Variants in MINDY4 observed in about 807,000 individuals in gnomAD.
MINDY4 encodes the protein MINDY lysine 48 deubiquitinase 4, also known as probable ubiquitin carboxyl-terminal hydrolase MINDY-4.
MINDY4 carries 68 observed loss-of-function variants against 87.0 expected under a neutral mutation model. That is an observed-to-expected ratio of 0.78 (90% confidence interval 0.64 to 0.96). The LOEUF is 0.96. Among genes scored for constraint, MINDY4 ranks in the 40% least tolerant of loss-of-function variants. The pLI is 0.00. For synonymous variants in MINDY4, 379 were observed against 363.2 expected (o/e 1.04, Z -0.50); for missense variants, 919 against 928.2 (o/e 0.99, Z 0.13).
chr7:30,796,511 T>A (rs1450906248), intron 5 of MINDY4, among the ~76,000 whole-genome samples: 1 of 152,208 alleles, frequency 6.6e-6, no homozygotes, highest in East Asian at 1.9e-4. Flanking sequence ...AGATTTTAAA[T>A]TAAGCATTTT....
intron 9 of MINDY4, among the ~76,000 whole-genome samples, chr7:30,850,064 G>T (rs924967941): frequency 6.6e-6 from 1 of 152,228 alleles, no homozygotes; most frequent in African/African-American, 2.4e-5. Flanking sequence ...CAGGGCCAGG[G>T]CAGGGTCCTG....
At chr7:30,871,586 A>G (rs1790106840) in intron 13 of MINDY4, among the ~76,000 whole-genome samples, 1 of 152,200 alleles carries the variant, frequency 6.6e-6, no homozygotes, top group Non-Finnish European at 1.5e-5. Flanking sequence ...GTCTTCAGCA[A>G]AGTAGGTTTT....
intron 16 of MINDY4, 142 bp from the exon 17 acceptor site, chr7:30,882,779 C>G: frequency 1.4e-6 from 1 of 702,574 alleles, no homozygotes. Flanking sequence ...GAATGGATGT[C>G]AGGGATGAGG....
chr7:30,876,238 T>A lies in MINDY4; in HGVS notation c.1971+582T>A, dbSNP rs186238606. Among the ~76,000 whole-genome samples, 36 of 152,226 alleles carry A rather than the reference T, an allele frequency of 2.4e-4. 1 individual carries two copies. The highest frequency in any genetic ancestry group is 8.7e-4 in the African/African-American group (36 of 41,516). ...TGCTTCTGTAGATGTATCACTCCAGTCTCTGCCTCCATCCATCATCACAGG... is the reference window on the plus strand; with the variant it reads ...TGCTTCTGTAGATGTATCACTCCAGACTCTGCCTCCATCCATCATCACAGG... On this transcript the variant is annotated intron_variant, in intron 15 of 17. Transcript: ENST00000265299.
intron 2 of MINDY4, chr7:30,780,251 G>A (rs1786966486): frequency 6.6e-6 from 1 of 152,204 alleles, no homozygotes; most frequent in Admixed American, 6.5e-5. Flanking sequence ...TGTATTCTAA[G>A]GCAGGAGAGT....
chr7:30,777,687 C>T (rs1208517870), intron 1 of MINDY4, among the ~76,000 whole-genome samples: 2 of 152,136 alleles, frequency 1.3e-5, no homozygotes, highest in African/African-American at 4.8e-5. Flanking sequence ...CAAGGAACAC[C>T]CCTAACACCA....
In MINDY4 at chr7:30,842,301, C is replaced by G. The variant is rs554620585; in HGVS notation, c.1445+1453C>G. ...CTTGTCTGTACAGGATCATGCCCCA[C>G]TGCCTGCTCTGGAAGTTCAGCCCCA... On this transcript the variant is annotated intron_variant, in intron 9 of 17. Coordinates refer to ENST00000265299, the MANE Select transcript of MINDY4 (RefSeq NM_032222.3). Among the ~76,000 whole-genome samples the G allele has an allele frequency of 3.9e-5, 6 of 152,336 alleles. 1 individual carries two copies. The South Asian group carries it at 1.2e-3, about 32-fold the overall frequency.
intron 1 of MINDY4, among the ~76,000 whole-genome samples, chr7:30,776,606 A>T (rs548640467): frequency 4.7e-4 from 72 of 152,308 alleles, no homozygotes; most frequent in African/African-American, 1.7e-3. Flanking sequence ...AACTGGACTT[A>T]CGGACTAGTG....
At position 30,882,164 on chromosome 7, in the gene MINDY4, G is replaced by A; in HGVS notation, c.1972-17G>A. 6.3e-7 allele frequency: 1 copy of A among 1,594,186 alleles called. No individual in the cohort carries two copies. ...CCCTGGGGACGGCATTTCACATCAGGCCTCTCCCTCATCCAGGTTGGCTGC... is the reference window on the plus strand; with the variant it reads ...CCCTGGGGACGGCATTTCACATCAGACCTCTCCCTCATCCAGGTTGGCTGC... On this transcript the variant is annotated splice_polypyrimidine_tract_variant and intron_variant, in intron 15 of 17. Coordinates refer to ENST00000265299, the MANE Select transcript of MINDY4 (RefSeq NM_032222.3).
chr7:30,851,701 A>G (rs1008602397), intron 10 of MINDY4, among the ~76,000 whole-genome samples: 1 of 152,214 alleles, frequency 6.6e-6, no homozygotes, highest in African/African-American at 2.4e-5. Flanking sequence ...ACAGAAGCCC[A>G]GAGAGGGAGG....
intron 3 of MINDY4, among the ~76,000 whole-genome samples, chr7:30,784,653 C>T (rs1343510975): frequency 2.0e-5 from 3 of 152,246 alleles, no homozygotes. Flanking sequence ...GGCCTGCGTG[C>T]TGGGGCTGGG....
At chr7:30,889,999 C>T (rs945919959) in intron 17 of MINDY4, among the ~76,000 whole-genome samples, 2 of 152,178 alleles carry the variant, frequency 1.3e-5, no homozygotes, top group African/African-American at 4.8e-5. Context: ...AAAAGGGTAC[C>T]TCTCAGCCTT....
chr7:30,833,717 A>T (rs1473603513), intron 6 of MINDY4, among the ~76,000 whole-genome samples: 1 of 152,236 alleles, frequency 6.6e-6, no homozygotes, highest in African/African-American at 2.4e-5. Context: ...TAGCCAGTAA[A>T]ATCAAAAGCA....
At chr7:30,844,347 A>G (rs1321200591) in intron 9 of MINDY4, among the ~76,000 whole-genome samples, 2 of 152,148 alleles carry the variant, frequency 1.3e-5, no homozygotes, top group Non-Finnish European at 2.9e-5. Flanking sequence ...AGGCCCAGAG[A>G]CCGTCTCCCC....
At chr7:30,797,944 G>A (rs1231244427) in intron 5 of MINDY4, among the ~76,000 whole-genome samples, 2 of 152,148 alleles carry the variant, frequency 1.3e-5, no homozygotes, top group African/African-American at 4.8e-5. Flanking sequence ...TCTGAGAAGT[G>A]CATTTTCAGA....
At chr7:30,860,998 CACAG>C (rs746164377) in intron 13 of MINDY4, among the ~76,000 whole-genome samples, 2 of 151,330 alleles carry the variant, frequency 1.3e-5, no homozygotes, top group African/African-American at 2.4e-5. Context: ...CGTGGCCACA[CACAG>C]AGACACACAC....
chr7:30,777,244 G>A (rs1350461162), intron 1 of MINDY4, among the ~76,000 whole-genome samples: 1 of 152,144 alleles, frequency 6.6e-6, no homozygotes, highest in African/African-American at 2.4e-5. Flanking sequence ...TTTGTTAAAT[G>A]TACAGGGCTT....
chr7:30,797,996 C>T (rs780582618), intron 5 of MINDY4, among the ~76,000 whole-genome samples: 4 of 152,170 alleles, frequency 2.6e-5, no homozygotes, highest in Non-Finnish European at 5.9e-5. Flanking sequence ...ACTGAAGGAC[C>T]TGGGAGAGTT....
Position 30,842,678 on chromosome 7 carries a change from G to T in MINDY4, c.1445+1830G>T, listed in dbSNP as rs369432501. On this transcript the variant is annotated intron_variant, in intron 9 of 17. Coordinates refer to ENST00000265299, the MANE Select transcript of MINDY4 (RefSeq NM_032222.3). ...ACAGGGGACATGCACGGTGCTAAGG[G>T]TTCATCTGGACATGAAGTGGCTCAG... Among the ~76,000 whole-genome samples, 3 of 152,294 alleles carry T rather than the reference G, an allele frequency of 2.0e-5. No individual in the cohort carries two copies. The South Asian group carries it at 6.2e-4, about 32-fold the overall frequency.
Sources: gnomAD v4.1 joint callset for allele counts (sites outside exome capture counted in the v4.1 genomes callset) on GRCh38, gnomAD v4.1.1 for gene constraint, MANE v1.5 for transcripts, NCBI Gene and HGNC (gene_info 2026-07-23, HGNC 2026-07-21) for gene names.